NOL7: variants seen among roughly 807,000 people sequenced by gnomAD.
NOL7 encodes U3 small nucleolar RNA-associated protein NOL7.
Under a neutral mutation model 38.4 loss-of-function variants are expected in NOL7, and 36 were observed. The observed-to-expected ratio is 0.94, with a 90% CI of 0.72 to 1.24. The LOEUF is 1.24. Ranked by LOEUF, NOL7 falls within the 50% of genes most tolerant of loss-of-function variation. NOL7 has a pLI of 0.00. For synonymous variants in NOL7, 142 were observed against 126.5 expected, an observed-to-expected ratio of 1.12 and a Z score of -0.82; for missense variants, 350 against 315.1, an observed-to-expected ratio of 1.11 and a Z score of -0.84.
At chr6:13,619,593 C>T (rs1397246438) in intron 5 of NOL7, among the ~76,000 whole-genome samples, 2 of 152,220 alleles carry the variant, frequency 1.3e-5, no homozygotes, top group African/African-American at 4.8e-5. Flanking sequence ...TGTCAATTCT[C>T]TTTTACTACA....
At chr6:13,624,950 G>C (rs34580431), downstream of NOL7, among the ~76,000 whole-genome samples, 4 of 152,142 alleles carry the variant, frequency 2.6e-5, no homozygotes, top group Non-Finnish European at 5.9e-5. Flanking sequence ...CAGTGGCTTA[G>C]GCTGCTGCTA....
At chr6:13,632,379 T>G in intron 8 of NOL7, 1 of 1,607,272 alleles carries the variant, frequency 6.2e-7, no homozygotes, top group Non-Finnish European at 8.5e-7. Context: ...CCTTCAACAT[T>G]TTTTTGTTTG....
chr6:13,623,137 A>C (rs1487841291), downstream of NOL7, among the ~76,000 whole-genome samples: 1 of 152,220 alleles, frequency 6.6e-6, no homozygotes, highest in East Asian at 1.9e-4. Context: ...TTTCTTTGTC[A>C]GACATTTGTA....
Position 13,616,471 on chromosome 6 carries a change from A to G in NOL7, c.336A>G (p.Lys112=). 1.2e-6 allele frequency: 2 copies of G among 1,606,816 alleles called. No homozygotes were observed. Among genetic ancestry groups the G allele is most frequent in the Non-Finnish European group, 1.7e-6 (2 of 1,176,486 alleles). ...CGTTTTCATTCCAAAAGAAAAGAAA[A>G]CTCCTTCCAGACACTATTTTGGAGA... ...EELFIEQKKR[K]LLPDTILEKL... Residue 112 remains lysine, a synonymous_variant, in exon 3 of 8, where the codon AAA becomes AAG. Coordinates refer to ENST00000451315, the MANE Select transcript of NOL7 (RefSeq NM_016167.5).
chr6:13,619,201 C>T (rs1173230515), intron 5 of NOL7, among the ~76,000 whole-genome samples: 1 of 152,202 alleles, frequency 6.6e-6, no homozygotes, highest in African/African-American at 2.4e-5. Context: ...GGTTGTTCAC[C>T]ACTATTGCCA....
At chr6:13,629,895 G>GTCTC (rs35437953) in intron 8 of NOL7, among the ~76,000 whole-genome samples, 173 of 143,922 alleles carry the variant, frequency 1.2e-3, no homozygotes, top group Middle Eastern at 3.5e-3. Flanking sequence ...TCATGTCTCT[G>GTCTC]TCTCTCTCTC....
chr6:13,622,414 C>T (rs562517476), downstream of NOL7: 56 of 1,600,336 alleles, frequency 3.5e-5, no homozygotes, highest in Admixed American at 3.5e-5. Flanking sequence ...AATTCCTGAT[C>T]GAGCCATCAG....
At position 13,620,195 on chromosome 6, in the gene NOL7, T is replaced by C. The variant is rs369441442; in HGVS notation, c.501-13T>C. ...TGTGTAATTCTTATTTAACCTTTTA[T>C]ATTGATCAACAGCCAGAATAAAAGC... On this transcript the variant is annotated splice_polypyrimidine_tract_variant and intron_variant, in intron 5 of 7. Coordinates refer to ENST00000451315, the MANE Select transcript of NOL7 (RefSeq NM_016167.5). The C allele has an allele frequency of 6.8e-5, 109 of 1,599,974 alleles. No individual in the cohort carries two copies. The African/African-American group carries it at 1.4e-3, about 21-fold the overall frequency.
rs760821581 is a variant in NOL7, at chr6:13,620,438, G to C, written c.653G>C (p.Arg218Thr). The C allele has an allele frequency of 8.1e-6, 13 of 1,613,976 alleles. No individual in the cohort carries two copies. The African/African-American group carries it at 1.5e-4, about 18-fold the overall frequency. Residue 218 changes from arginine (R) to threonine (T), a missense_variant, in exon 7 of 8, where the codon AGG becomes ACG. Arg to Thr is a moderately conservative substitution (Grantham distance 71). Coordinates refer to ENST00000451315, the MANE Select transcript of NOL7 (RefSeq NM_016167.5). Reference protein sequence around the residue: ...VNKFLSLANKRLPVKRAAVQF... With the variant: ...VNKFLSLANKTLPVKRAAVQF... ...AAGTTCCTGTCTCTTGCCAACAAGA[G>C]GTTACCAGTGAAAAGAGCTGCTGTC...
chr6:13,632,397 C>T (rs778452410), exon 9 of NOL7: 3 of 1,612,182 alleles, frequency 1.9e-6, no homozygotes, highest in South Asian at 1.1e-5. Flanking sequence ...TTGCAGTGTT[C>T]TTGCCACAGT....
chr6:13,629,915 C>G lies in NOL7; in HGVS notation n.574-2478C>G, dbSNP rs552516400. Reference sequence around the variant, plus strand: ...TCTCTGTCTCTCTCTCTCTCTCTCTCTCTCTCGTGTGTGTGTGTGTGTGTG... The same window carrying G: ...TCTCTGTCTCTCTCTCTCTCTCTCTGTCTCTCGTGTGTGTGTGTGTGTGTG... On this transcript the variant is annotated intron_variant and non_coding_transcript_variant, in intron 8 of 8. Coordinates refer to the NOL7 transcript ENST00000474485. 7.3e-3 allele frequency among the ~76,000 whole-genome samples: 924 copies of G among 126,350 alleles called. 4 individuals carry two copies. The highest frequency in any genetic ancestry group is 0.025 in the African/African-American group (858 of 33,986). 82.9% of individuals were successfully genotyped at this position (126,350 alleles called of 152,430 possible).
At chr6:13,622,359 T>C (rs201118974), downstream of NOL7, 123 of 1,563,856 alleles carry the variant, frequency 7.9e-5, 1 homozygote, top group African/African-American at 1.4e-3. Flanking sequence ...TTGAAATGCA[T>C]AGCTAATGTA....
intron 5 of NOL7, among the ~76,000 whole-genome samples, chr6:13,618,942 C>G (rs1463113317): frequency 6.6e-6 from 1 of 152,218 alleles, no homozygotes; most frequent in African/African-American, 2.4e-5. Context: ...AACACTTTGT[C>G]TTTGCAGGTC....
Position 13,620,464 on chromosome 6 carries a change from C to A in NOL7, c.679C>A (p.Gln227Lys). 6.2e-7 allele frequency: 1 copy of A among 1,613,956 alleles called. No individual in the cohort carries two copies. Among genetic ancestry groups the A allele is most frequent in the South Asian group, 1.1e-5 (1 of 91,080 alleles). The change falls in exon 7 of 8, where the codon CAG becomes AAG. Residue 227 changes from glutamine (Q) to lysine (K), a missense_variant. Transcript: ENST00000451315. ...KRLPVKRAAV[Q>K]FLNNAWGIQK... ...GTTACCAGTGAAAAGAGCTGCTGTCCAGTTTTTGAATAATGCTTGGGGTAA... is the reference window on the plus strand; with the variant it reads ...GTTACCAGTGAAAAGAGCTGCTGTCAAGTTTTTGAATAATGCTTGGGGTAA...
chr6:13,622,269 A>G (rs1271006787), downstream of NOL7: 28 of 1,291,360 alleles, frequency 2.2e-5, no homozygotes, highest in Non-Finnish European at 2.8e-5. Context: ...CCAGTACATA[A>G]TTTAAAAAAT....
chr6:13,616,532 G>A lies in NOL7; in HGVS notation c.386+11G>A. ...AGCTTCACAGACTAAGTAAGTAATG[G>A]ATCTTTTTATATTACTTGCTTATAT... On this transcript the variant is annotated intron_variant, in intron 3 of 7. Transcript: ENST00000451315. 4 of 1,577,204 alleles carry A rather than the reference G, an allele frequency of 2.5e-6. No homozygotes were observed. Among genetic ancestry groups the A allele is most frequent in the Non-Finnish European group, 3.5e-6 (4 of 1,151,426 alleles).
downstream of NOL7, chr6:13,625,867 T>G (rs183867651): frequency 4.3e-4 from 330 of 775,280 alleles, 3 homozygotes; most frequent in Non-Finnish European, 1.6e-4. Flanking sequence ...AGGCACAGAC[T>G]AATAATGTAA....
At chr6:13,625,933 T>C (rs1023095221), downstream of NOL7, among the ~76,000 whole-genome samples, 1 of 152,216 alleles carries the variant, frequency 6.6e-6, no homozygotes, top group Non-Finnish European at 1.5e-5. Context: ...GAACATTAAA[T>C]TATGCAGCAA....
In NOL7 at chr6:13,621,609, C is replaced by T. The variant is rs965852511; in HGVS notation, c.*782C>T. ...AAGGTGTACAAAGATTAAATTAAGACACGGTAAATTGACTAAATATTTGGT... is the reference window on the plus strand; with the variant it reads ...AAGGTGTACAAAGATTAAATTAAGATACGGTAAATTGACTAAATATTTGGT... On this transcript the variant is annotated 3_prime_UTR_variant, in exon 8 of 8. Transcript: ENST00000451315. The T allele has an allele frequency of 1.9e-4, 29 of 152,518 alleles. No individual in the cohort carries two copies. The highest frequency in any genetic ancestry group is 7.0e-4 in the African/African-American group (29 of 41,400). The allele number at this position is 152,518 out of a possible 1,614,324, so 9.4% of individuals were successfully genotyped here.
Sources: gnomAD v4.1 joint callset for allele counts (sites outside exome capture counted in the v4.1 genomes callset) on GRCh38, gnomAD v4.1.1 for gene constraint, MANE v1.5 for transcripts, NCBI Gene and HGNC (gene_info 2026-07-23, HGNC 2026-07-21) for gene names.